Variants in GAD2 observed in about 807,000 individuals in gnomAD.
GAD2 encodes the protein 65 kDa glutamic acid decarboxylase.
In GAD2, 22 loss-of-function variants were observed where a neutral mutation model predicts 80.1. That is an observed-to-expected ratio of 0.27 (90% CI 0.20 to 0.39). The LOEUF (loss-of-function observed/expected upper bound fraction) is 0.39. GAD2 is among the 10% of genes least tolerant of loss of function. GAD2 has a pLI of 1.00. For missense variants in GAD2, 624 were observed against 738.4 expected (o/e 0.85, Z 1.80); for synonymous variants, 274 against 256.9 (o/e 1.07, Z -0.64).
intron 7 of GAD2, among the ~76,000 whole-genome samples, chr10:26,242,388 T>A (rs1179965282): frequency 6.6e-6 from 1 of 152,182 alleles, no homozygotes; most frequent in Non-Finnish European, 1.5e-5. Context: ...CTTCAGACAC[T>A]CTTTTCCTCT....
chr10:26,239,692 G>A (rs1177946787), intron 7 of GAD2, among the ~76,000 whole-genome samples: 1 of 152,200 alleles, frequency 6.6e-6, no homozygotes. Flanking sequence ...TACTTTACAG[G>A]ATGGTCATAA....
intron 7 of GAD2, among the ~76,000 whole-genome samples, chr10:26,233,349 A>G (rs1043640932): frequency 6.6e-6 from 1 of 152,106 alleles, no homozygotes; most frequent in Non-Finnish European, 1.5e-5. Context: ...TTAATGTGAA[A>G]CCGATGCTAA....
chr10:26,276,091 A>G (rs1845197557), intron 11 of GAD2, among the ~76,000 whole-genome samples: 1 of 152,120 alleles, frequency 6.6e-6, no homozygotes, highest in African/African-American at 2.4e-5. Flanking sequence ...ACTGGAGTCC[A>G]GGAATTTAAG....
intron 7 of GAD2, among the ~76,000 whole-genome samples, chr10:26,230,210 C>G (rs377328764): frequency 2.0e-5 from 3 of 152,134 alleles, no homozygotes; most frequent in East Asian, 1.9e-4. Context: ...TAGTTCCTAC[C>G]CTTCGCTTCT....
At chr10:26,232,713 C>T (rs1049810894) in intron 7 of GAD2, among the ~76,000 whole-genome samples, 3 of 151,950 alleles carry the variant, frequency 2.0e-5, no homozygotes, top group Non-Finnish European at 4.4e-5. Context: ...ATGTTGGCCA[C>T]GCTGGTCTTA....
chr10:26,248,573 C>G (rs1366665202), intron 8 of GAD2, among the ~76,000 whole-genome samples: 1 of 152,214 alleles, frequency 6.6e-6, no homozygotes, highest in Middle Eastern at 3.2e-3. Flanking sequence ...GTTCTAACTT[C>G]CTCAGAAGCT....
chr10:26,261,529 C>G (rs143745134), intron 8 of GAD2, among the ~76,000 whole-genome samples: 1 of 152,090 alleles, frequency 6.6e-6, no homozygotes, highest in African/African-American at 2.4e-5. Flanking sequence ...AGGTCCTGGG[C>G]TTTTCTTTGA....
chr10:26,253,879 A>T (rs1257378779), intron 8 of GAD2, among the ~76,000 whole-genome samples: 2 of 151,386 alleles, frequency 1.3e-5, no homozygotes, highest in African/African-American at 2.4e-5. Context: ...CAGGTCCCCA[A>T]CCTTTTTGGC....
At chr10:26,281,452 A>G (rs758082774) in intron 12 of GAD2, among the ~76,000 whole-genome samples, 23 of 152,026 alleles carry the variant, frequency 1.5e-4, no homozygotes, top group Non-Finnish European at 2.6e-4. Context: ...CATTTTTCCT[A>G]TATAACAAAT....
intron 8 of GAD2, among the ~76,000 whole-genome samples, chr10:26,260,354 G>T (rs1844994524): frequency 6.6e-6 from 1 of 152,122 alleles, no homozygotes; most frequent in Non-Finnish European, 1.5e-5. Flanking sequence ...TTCCGGCTGG[G>T]TACATGGCTC....
At position 26,269,418 on chromosome 10, in the gene GAD2, G is replaced by A. The variant is rs151099904; in HGVS notation, c.975+245G>A. On this transcript the variant is annotated intron_variant, in intron 9 of 15. Transcript: ENST00000376261. ...TACAGTGAGCGTTTCCAAAGCATTT[G>A]TCTTCCTAGGTACTGAGGGTTGGCA... Among the ~76,000 whole-genome samples, 249 of 152,330 alleles carry A rather than the reference G, an allele frequency of 1.6e-3. 3 individuals carry two copies. Among genetic ancestry groups the A allele is most frequent in the African/African-American group, 5.8e-3 (239 of 41,560 alleles).
chr10:26,263,017 A>T (rs1845027401), intron 8 of GAD2, among the ~76,000 whole-genome samples: 1 of 152,200 alleles, frequency 6.6e-6, no homozygotes, highest in African/African-American at 2.4e-5. Context: ...TTTCATATAC[A>T]AAAGAAAATA....
At chr10:26,238,049 A>ACACACAC (rs1844697184) in intron 7 of GAD2, among the ~76,000 whole-genome samples, 1 of 145,506 alleles carries the variant, frequency 6.9e-6, no homozygotes, top group South Asian at 2.3e-4. Flanking sequence ...CACACACACA[A>ACACACAC]GAAAAGAAAG....
At chr10:26,247,725 G>A (rs933793808) in intron 8 of GAD2, among the ~76,000 whole-genome samples, 4 of 151,750 alleles carry the variant, frequency 2.6e-5, no homozygotes, top group Admixed American at 2.6e-4. Context: ...GTGAAACCCT[G>A]TCTCTACTAA....
intron 11 of GAD2, among the ~76,000 whole-genome samples, chr10:26,277,867 T>TA (rs1156712061): frequency 6.6e-6 from 1 of 152,008 alleles, no homozygotes; most frequent in Admixed American, 6.6e-5. Context: ...GAGGCAGAAA[T>TA]AAGAGCACAG....
chr10:26,219,673 T>C (rs1844429394), intron 4 of GAD2, among the ~76,000 whole-genome samples: 1 of 152,224 alleles, frequency 6.6e-6, no homozygotes, highest in Non-Finnish European at 1.5e-5. Context: ...CGAATACCAG[T>C]GCTGTGCTGG....
chr10:26,267,751 C>T (rs1430039568), intron 8 of GAD2, among the ~76,000 whole-genome samples: 4 of 151,510 alleles, frequency 2.6e-5, no homozygotes, highest in Non-Finnish European at 5.9e-5. Flanking sequence ...ATTATTTTGT[C>T]ACGCCTCCTT....
intron 4 of GAD2, among the ~76,000 whole-genome samples, chr10:26,220,580 A>T (rs956301232): frequency 2.0e-5 from 3 of 152,194 alleles, no homozygotes; most frequent in African/African-American, 7.2e-5. Context: ...AACCCACGTG[A>T]TGTTTATACC....
chr10:26,281,514 A>G (rs1845271912), intron 12 of GAD2, among the ~76,000 whole-genome samples: 1 of 152,176 alleles, frequency 6.6e-6, no homozygotes, highest in Non-Finnish European at 1.5e-5. Flanking sequence ...CATAACATGT[A>G]TATGTATGTG....
Sources: gnomAD v4.1 joint callset for allele counts (sites outside exome capture counted in the v4.1 genomes callset) on GRCh38, gnomAD v4.1.1 for gene constraint, MANE v1.5 for transcripts, NCBI Gene and HGNC (gene_info 2026-07-23, HGNC 2026-07-21) for gene names.